EWSR1: variants seen among roughly 807,000 people sequenced by gnomAD.
EWSR1 encodes the protein EWS RNA binding protein 1.
In EWSR1, 14 loss-of-function variants were observed where a neutral mutation model predicts 92.1. The ratio of observed to expected loss-of-function variants is 0.15; its 90% CI spans 0.10 to 0.24. The LOEUF is 0.24. Ranked by LOEUF, EWSR1 falls within the 10% of genes least tolerant of loss-of-function variation. The pLI is 1.00. For synonymous variants in EWSR1, 303 were observed against 292.9 expected, an observed-to-expected ratio of 1.03 and a Z score of -0.35; for missense variants, 637 against 870.9, an observed-to-expected ratio of 0.73 and a Z score of 3.38.
chr22:29,288,893 G>T, intron 8 of EWSR1, 107 bp downstream of exon 8: 1 of 1,122,592 alleles, frequency 8.9e-7, no homozygotes, highest in Non-Finnish European at 1.2e-6. Flanking sequence ...GCATTTCCAT[G>T]GACAATCTGT....
intron 4 of EWSR1, chr22:29,275,529 C>T: frequency 4.5e-6 from 1 of 222,526 alleles, no homozygotes; most frequent in Non-Finnish European, 9.0e-6. Flanking sequence ...TCCCTTAATC[C>T]TCCCAAGAAC....
At chr22:29,270,324 C>T (rs1338478091) in intron 1 of EWSR1, among the ~76,000 whole-genome samples, 1 of 152,192 alleles carries the variant, frequency 6.6e-6, no homozygotes, top group Non-Finnish European at 1.5e-5. Flanking sequence ...GAACCCCCAG[C>T]GCTCAATCAC....
At chr22:29,285,721 A>C (rs374858430) in intron 6 of EWSR1, among the ~76,000 whole-genome samples, 4 of 151,418 alleles carry the variant, frequency 2.6e-5, no homozygotes, top group Admixed American at 6.5e-5. Flanking sequence ...CACTCTCTCT[A>C]TATTTTCTCA....
chr22:29,299,125 G>A (rs1176956245), intron 14 of EWSR1, 109 bp from the exon 15 acceptor site: 2 of 1,592,226 alleles, frequency 1.3e-6, no homozygotes, highest in Admixed American at 1.7e-5. Flanking sequence ...AAGCATGGGT[G>A]TACATAGATC....
At chr22:29,282,326 T>G (rs1415831590) in intron 5 of EWSR1, 64 bp from the exon 6 acceptor site, 2 of 1,355,498 alleles carry the variant, frequency 1.5e-6, no homozygotes, top group Middle Eastern at 5.0e-4. Context: ...CCCAGGAGTT[T>G]TGTGGTTGAC....
intron 6 of EWSR1, among the ~76,000 whole-genome samples, chr22:29,283,029 T>C (rs1405568868): frequency 6.6e-6 from 1 of 152,234 alleles, no homozygotes; most frequent in African/African-American, 2.4e-5. Context: ...CCCACAGTGC[T>C]GGGATTACAG....
chr22:29,299,557 A>G, intron 15 of EWSR1, 42 bp from the exon 16 acceptor site: 1 of 1,547,694 alleles, frequency 6.5e-7, no homozygotes, highest in Non-Finnish European at 8.8e-7. Flanking sequence ...GGGCCTCTGC[A>G]GCCACCCACT....
chr22:29,285,719 C>G (rs184032534), intron 6 of EWSR1, among the ~76,000 whole-genome samples: 1 of 151,408 alleles, frequency 6.6e-6, no homozygotes, highest in Non-Finnish European at 1.5e-5. Flanking sequence ...TTCACTCTCT[C>G]TATATTTTCT....
At chr22:29,269,755 G>A (rs1273419246) in intron 1 of EWSR1, 1 of 152,182 alleles carries the variant, frequency 6.6e-6, no homozygotes, top group African/African-American at 2.4e-5. Context: ...CTAACCTCCC[G>A]GTGGGAAGTG....
At chr22:29,284,643 T>A (rs2059880526) in intron 6 of EWSR1, among the ~76,000 whole-genome samples, 1 of 151,192 alleles carries the variant, frequency 6.6e-6, no homozygotes, top group African/African-American at 2.5e-5. Flanking sequence ...TTGTTTATTT[T>A]TGGAGACCGG....
intron 12 of EWSR1, among the ~76,000 whole-genome samples, chr22:29,297,139 A>G (rs1001962964): frequency 2.6e-5 from 4 of 152,120 alleles, no homozygotes; most frequent in African/African-American, 7.2e-5. Flanking sequence ...TATGGTAGAC[A>G]GTGTTTTTTG....
intron 6 of EWSR1, among the ~76,000 whole-genome samples, chr22:29,285,122 GTT>G (rs35739164): frequency 3.6e-5 from 4 of 111,598 alleles, no homozygotes; most frequent in Admixed American, 1.0e-4. Flanking sequence ...TCTGGCCCTT[GTT>G]TTTTTTTTTT....
intron 1 of EWSR1, among the ~76,000 whole-genome samples, chr22:29,268,573 C>T (rs899343528): frequency 2.6e-5 from 4 of 152,154 alleles, no homozygotes; most frequent in African/African-American, 7.2e-5. Flanking sequence ...GGGGGGCTTG[C>T]TGCGGCGGGG....
intron 6 of EWSR1, among the ~76,000 whole-genome samples, chr22:29,282,760 CTTTT>C (rs1228739280): frequency 7.0e-6 from 1 of 142,466 alleles, no homozygotes. Flanking sequence ...ATTCTTTTTT[CTTTT>C]TTTTTTTTTT....
At chr22:29,290,279 T>C in intron 8 of EWSR1, 1 of 755,196 alleles carries the variant, frequency 1.3e-6, no homozygotes, top group South Asian at 2.2e-5. Flanking sequence ...GGTGATGGTT[T>C]TCAGTGTCTT....
At chr22:29,291,750 T>A in intron 9 of EWSR1, 151 bp downstream of exon 9, 1 of 695,630 alleles carries the variant, frequency 1.4e-6, no homozygotes, top group Non-Finnish European at 2.3e-6. Context: ...TCTTAGGGGT[T>A]AATAAGGTTA....
intron 11 of EWSR1, 25 bp from the exon 12 acceptor site, chr22:29,296,214 C>A: frequency 6.2e-7 from 1 of 1,608,790 alleles, no homozygotes; most frequent in South Asian, 1.1e-5. Flanking sequence ...TCTAGTCATG[C>A]CTAACTATGC....
At chr22:29,291,701 G>C (rs879642371) in intron 9 of EWSR1, 102 bp downstream of exon 9, 3 of 1,159,866 alleles carry the variant, frequency 2.6e-6, no homozygotes, top group Admixed American at 4.5e-5. Context: ...GTTTAAAAAT[G>C]ATCTATACAA....
chr22:29,278,212 A>C lies in EWSR1; in HGVS notation c.409A>C (p.Thr137Pro). 1 of 1,613,884 alleles carries C rather than the reference A, an allele frequency of 6.2e-7. No individual in the cohort carries two copies. Among genetic ancestry groups the C allele is most frequent in the East Asian group, 2.2e-5 (1 of 44,892 alleles). Residue 137 changes from threonine (T) to proline (P), a missense_variant, in exon 5 of 17, where the codon ACA becomes CCA. Transcript: ENST00000397938. ...GCAGCAGCCAGCAGCCACTGCACCT[A>C]CAAGGTAAGGCCATGGTGTCCTTAA... ...YGQQPAATAPTRPQDGNKPTE... is the reference protein window; with the variant it reads ...YGQQPAATAPPRPQDGNKPTE...
Sources: allele counts gnomAD v4.1 joint callset (sites outside exome capture counted in the v4.1 genomes callset), GRCh38; gene constraint gnomAD v4.1.1; transcripts MANE v1.5; gene names NCBI Gene and HGNC (gene_info 2026-07-23, HGNC 2026-07-21).